ALMS1: variants seen among roughly 807,000 people sequenced by gnomAD.
The protein encoded by ALMS1 is centrosome-associated protein ALMS1.
ALMS1 carries 271 observed loss-of-function variants against 352.2 expected under a neutral mutation model. That is an observed-to-expected ratio of 0.77 (90% confidence interval 0.70 to 0.85). The LOEUF is 0.85. Ranked by LOEUF, ALMS1 falls within the 40% of genes least tolerant of loss-of-function variation. The pLI is 0.00. For synonymous variants in ALMS1, 1,865 were observed against 1,761.2 expected (o/e 1.06, Z -1.48); for missense variants, 5,445 against 4,870.7 (o/e 1.12, Z -3.51).
chr2:73,385,773 C>G (rs1670500615), upstream of ALMS1: 1 of 604,704 alleles, frequency 1.7e-6, no homozygotes, highest in Admixed American at 2.9e-5. Context: ...GGCGGCACTG[C>G]GCCTAAGCTG....
At chr2:73,530,076 C>T (rs1673877633) in intron 11 of ALMS1, among the ~76,000 whole-genome samples, 1 of 152,148 alleles carries the variant, frequency 6.6e-6, no homozygotes, top group Non-Finnish European at 1.5e-5. Context: ...ACTCCTGGCC[C>T]CTCCCAAATT....
At position 73,603,783 on chromosome 2, in the gene ALMS1, C is replaced by A. The variant is rs573807864; in HGVS notation, c.12362+479C>A. 3 of 178,018 alleles carry A rather than the reference C, an allele frequency of 1.7e-5. No homozygotes were observed. In the East Asian group the frequency reaches 4.5e-4, roughly 27 times the overall value. 11.0% of individuals were successfully genotyped at this position (178,018 alleles called of 1,614,324 possible). On this transcript the variant is annotated intron_variant, in intron 21 of 22. Coordinates refer to ENST00000613296, the MANE Select transcript of ALMS1 (RefSeq NM_001378454.1). Reference sequence around the variant, plus strand: ...GCTGAGCCGGGAGGATCTCTTGAACCTGGGAGGCAGAGGTTGCAGTGAGCT... The same window carrying A: ...GCTGAGCCGGGAGGATCTCTTGAACATGGGAGGCAGAGGTTGCAGTGAGCT...
At chr2:73,594,414 C>T (rs77031514) in intron 16 of ALMS1, among the ~76,000 whole-genome samples, 1 of 152,208 alleles carries the variant, frequency 6.6e-6, no homozygotes, top group Non-Finnish European at 1.5e-5. Context: ...CTCATATAAT[C>T]CAGTGTAATT....
At chr2:73,488,562 A>T (rs950549588) in intron 9 of ALMS1, among the ~76,000 whole-genome samples, 1 of 152,098 alleles carries the variant, frequency 6.6e-6, no homozygotes, top group African/African-American at 2.4e-5. Flanking sequence ...CCAACTCAGA[A>T]GGGAGTGGGG....
intron 12 of ALMS1, among the ~76,000 whole-genome samples, chr2:73,544,892 G>A (rs1674279708): frequency 6.6e-6 from 1 of 152,068 alleles, no homozygotes; most frequent in African/African-American, 2.4e-5. Context: ...ATGAAATTCT[G>A]GTACATGCTA....
intron 8 of ALMS1, 101 bp from the exon 9 acceptor site, chr2:73,455,061 G>A: frequency 7.7e-7 from 1 of 1,291,246 alleles, no homozygotes; most frequent in Non-Finnish European, 1.1e-6. Flanking sequence ...AAGCATTGCA[G>A]TGGGTATTAA....
At chr2:73,409,415 A>C (rs1323401820) in intron 2 of ALMS1, among the ~76,000 whole-genome samples, 2 of 152,132 alleles carry the variant, frequency 1.3e-5, no homozygotes, top group African/African-American at 4.8e-5. Flanking sequence ...GCCTGTCCTC[A>C]GGACTCTTTA....
Position 73,573,210 on chromosome 2 carries a change from G to A in ALMS1, c.11333G>A (p.Arg3778Lys). 1 of 1,612,192 alleles carries A rather than the reference G, an allele frequency of 6.2e-7. No homozygotes were observed. The highest frequency in any genetic ancestry group is 8.5e-7 in the Non-Finnish European group (1 of 1,178,654). ...GATAGAGAGGTGGCTCTGCACGAAA[G>A]GAGTAGCTCTGTTTCCACTATTGAC... ...QTDREVALHE[R>K]SSSVSTIDTA... Residue 3778 changes from arginine (R) to lysine (K), a missense_variant, in exon 16 of 23, where the codon AGG becomes AAG. Arg to Lys is a conservative substitution (Grantham distance 26). Coordinates refer to ENST00000613296, the MANE Select transcript of ALMS1 (RefSeq NM_001378454.1).
At chr2:73,597,451 A>G (rs944886547) in intron 16 of ALMS1, among the ~76,000 whole-genome samples, 2 of 152,188 alleles carry the variant, frequency 1.3e-5, no homozygotes, top group Non-Finnish European at 2.9e-5. Context: ...AAACACCTAC[A>G]TATACTTTTT....
chr2:73,430,970 G>C (rs775197065), intron 6 of ALMS1, among the ~76,000 whole-genome samples: 4 of 152,006 alleles, frequency 2.6e-5, no homozygotes, highest in African/African-American at 9.7e-5. Context: ...TTTCCTGTAG[G>C]AGTGAGGTAA....
At chr2:73,603,888 A>G (rs1320813963) in intron 21 of ALMS1, 1 of 153,902 alleles carries the variant, frequency 6.5e-6, no homozygotes. Context: ...GATTATTTTG[A>G]AATAAAATTA....
At chr2:73,483,721 G>T (rs1169764303) in intron 9 of ALMS1, among the ~76,000 whole-genome samples, 3 of 149,696 alleles carry the variant, frequency 2.0e-5, no homozygotes, top group Middle Eastern at 3.4e-3. Flanking sequence ...TCTCTTTGTA[G>T]GTCACTCAGG....
Position 73,450,252 on chromosome 2 carries a change from C to G in ALMS1, c.3725C>G (p.Thr1242Arg), listed in dbSNP as rs1238618740. Reference protein sequence around the residue: ...PTPTSASYSHTEKPGIFYQQV... With the variant: ...PTPTSASYSHREKPGIFYQQV... ...CCAACCTCTGCTTCTTACTCACACA[C>G]AGAGAAGCCTGGTATTTTCTACCAA... Residue 1242 changes from threonine (T) to arginine (R), a missense_variant, in exon 8 of 23, where the codon ACA (threonine) becomes AGA (arginine). Transcript: ENST00000613296. The G allele has an allele frequency of 6.2e-7, 1 of 1,613,588 alleles. No homozygotes were observed. Among genetic ancestry groups the G allele is most frequent in the African/African-American group, 1.3e-5 (1 of 74,850 alleles).
At chr2:73,560,016 G>A (rs1406486117) in intron 15 of ALMS1, among the ~76,000 whole-genome samples, 1 of 152,094 alleles carries the variant, frequency 6.6e-6, no homozygotes, top group Non-Finnish European at 1.5e-5. Flanking sequence ...GACAACAAAA[G>A]CAAAAATAGA....
chr2:73,584,753 T>C (rs9750915), intron 16 of ALMS1, among the ~76,000 whole-genome samples: 47,019 of 151,838 alleles, frequency 0.31, 9,102 homozygotes, highest in African/African-American at 0.55. Flanking sequence ...ACACTGCACC[T>C]AATGTGTAGT....
At chr2:73,548,883 A>G (rs952727862) in intron 12 of ALMS1, among the ~76,000 whole-genome samples, 9 of 152,148 alleles carry the variant, frequency 5.9e-5, no homozygotes, top group African/African-American at 2.2e-4. Flanking sequence ...CCATTGAGAG[A>G]TTTGGTAGAA....
chr2:73,488,732 T>C (rs1672910026), intron 9 of ALMS1, among the ~76,000 whole-genome samples: 1 of 152,246 alleles, frequency 6.6e-6, no homozygotes, highest in South Asian at 2.1e-4. Context: ...CAGCATAATT[T>C]AAAATATTTT....
chr2:73,402,518 C>T (rs138558683), intron 1 of ALMS1, among the ~76,000 whole-genome samples: 3 of 152,118 alleles, frequency 2.0e-5, no homozygotes, highest in Non-Finnish European at 2.9e-5. Context: ...AGTGATCCTC[C>T]CACCGTGTTT....
At chr2:73,591,779 A>G (rs1191717687) in intron 16 of ALMS1, among the ~76,000 whole-genome samples, 3 of 152,224 alleles carry the variant, frequency 2.0e-5, no homozygotes, top group South Asian at 2.1e-4. Context: ...CAAAGAATAA[A>G]TAAATGTATA....
Sources: gnomAD v4.1 joint callset for allele counts (sites outside exome capture counted in the v4.1 genomes callset) on GRCh38, gnomAD v4.1.1 for gene constraint, MANE v1.5 for transcripts, NCBI Gene and HGNC (gene_info 2026-07-23, HGNC 2026-07-21) for gene names.